Variants in LDLRAD4 observed in about 807,000 individuals in gnomAD.
LDLRAD4 encodes low density lipoprotein receptor class A domain containing 4.
A neutral mutation model predicts 17.0 loss-of-function variants in LDLRAD4; 5 were observed. The ratio of observed to expected loss-of-function variants is 0.29; its 90% CI spans 0.15 to 0.62. The LOEUF (loss-of-function observed/expected upper bound fraction) is 0.62, where lower values mean the gene tolerates loss of function less well. Ranked by LOEUF, LDLRAD4 falls within the 20% of genes least tolerant of loss-of-function variation. The pLI is 0.84. For missense variants in LDLRAD4, 340 were observed against 424.7 expected, an observed-to-expected ratio of 0.80 and a Z score of 1.75; for synonymous variants, 168 against 171.8, an observed-to-expected ratio of 0.98 and a Z score of 0.17.
At chr18:13,412,711 A>G (rs1429427767) in intron 2 of LDLRAD4, among the ~76,000 whole-genome samples, 2 of 152,148 alleles carry the variant, frequency 1.3e-5, no homozygotes, top group Non-Finnish European at 2.9e-5. Flanking sequence ...CTAGATTATG[A>G]GCTCTTGGAG....
At chr18:13,301,082 G>A (rs1036806518) in intron 1 of LDLRAD4, among the ~76,000 whole-genome samples, 6 of 142,378 alleles carry the variant, frequency 4.2e-5, no homozygotes, top group Non-Finnish European at 7.8e-5. Context: ...GGGTGTCCGT[G>A]GTTGGGGGGG....
At chr18:13,447,714 A>G (rs2091511351) in intron 3 of LDLRAD4, among the ~76,000 whole-genome samples, 1 of 152,232 alleles carries the variant, frequency 6.6e-6, no homozygotes, top group African/African-American at 2.4e-5. Flanking sequence ...AGTAATTTTC[A>G]GTGTCAGATT....
chr18:13,446,912 G>A (rs577736555), intron 3 of LDLRAD4, among the ~76,000 whole-genome samples: 4 of 146,384 alleles, frequency 2.7e-5, no homozygotes, highest in Non-Finnish European at 5.9e-5. Flanking sequence ...GGGCCTTCTG[G>A]CATTCAGCAG....
intron 3 of LDLRAD4, among the ~76,000 whole-genome samples, chr18:13,442,063 C>A (rs2091058053): frequency 6.6e-6 from 1 of 152,126 alleles, no homozygotes; most frequent in South Asian, 2.1e-4. Flanking sequence ...AAATATTGTA[C>A]CCCGAGCACT....
At chr18:13,582,800 C>A (rs1243210476) in intron 3 of LDLRAD4, among the ~76,000 whole-genome samples, 1 of 152,244 alleles carries the variant, frequency 6.6e-6, no homozygotes, top group Non-Finnish European at 1.5e-5. Context: ...GCAGCCTCGA[C>A]CTCCCAGGCG....
At chr18:13,512,459 T>C (rs1019153028) in intron 3 of LDLRAD4, among the ~76,000 whole-genome samples, 3 of 152,210 alleles carry the variant, frequency 2.0e-5, no homozygotes, top group Non-Finnish European at 4.4e-5. Context: ...GTGCTTACAA[T>C]GTGGGTGTTG....
chr18:13,387,043 G>A (rs999933333), intron 1 of LDLRAD4, among the ~76,000 whole-genome samples: 1 of 152,216 alleles, frequency 6.6e-6, no homozygotes, highest in African/African-American at 2.4e-5. Flanking sequence ...CTGACCAGTG[G>A]CCATGCACCA....
chr18:13,378,361 GGTGGTTTGTT>G (rs1199178076), intron 1 of LDLRAD4, among the ~76,000 whole-genome samples: 6 of 152,076 alleles, frequency 3.9e-5, no homozygotes, highest in Admixed American at 3.9e-4. Flanking sequence ...TTGTCAGAAG[GGTGGTTTGTT>G]GCCCTCTCTG....
At chr18:13,228,445 TTTC>T (rs1234972873) in intron 1 of LDLRAD4, among the ~76,000 whole-genome samples, 1 of 152,180 alleles carries the variant, frequency 6.6e-6, no homozygotes, top group East Asian at 1.9e-4. Context: ...AGCTGACCGA[TTTC>T]TGTCTGATTT....
At chr18:13,610,945 G>A (rs545276506) in intron 3 of LDLRAD4, among the ~76,000 whole-genome samples, 14 of 152,252 alleles carry the variant, frequency 9.2e-5, no homozygotes, top group South Asian at 4.1e-4. Flanking sequence ...TTTCCCTCGC[G>A]GCTGTATATT....
At chr18:13,455,582 G>T (rs555555306) in intron 3 of LDLRAD4, among the ~76,000 whole-genome samples, 3 of 152,230 alleles carry the variant, frequency 2.0e-5, no homozygotes, top group Admixed American at 6.5e-5. Flanking sequence ...AGGGTGGGTC[G>T]TCATTCCCTC....
At chr18:13,222,801 G>A (rs1401593301) in intron 1 of LDLRAD4, among the ~76,000 whole-genome samples, 1 of 152,188 alleles carries the variant, frequency 6.6e-6, no homozygotes, top group Non-Finnish European at 1.5e-5. Flanking sequence ...CCACACTCCC[G>A]TTCTTCCTCT....
At chr18:13,628,519 A>G (rs1404815447) in intron 4 of LDLRAD4, among the ~76,000 whole-genome samples, 10 of 152,214 alleles carry the variant, frequency 6.6e-5, no homozygotes, top group Admixed American at 4.6e-4. Context: ...AGGACTTCCA[A>G]TTATCAGGCT....
At position 13,432,228 on chromosome 18, in the gene LDLRAD4, A is replaced by C. The variant is rs558102088; in HGVS notation, c.41-6016A>C. ...GCTGACGTTTAAGAAGAATCGCCCTAAGGATCGACTTTTCATTTCTGAAAA... is the reference window on the plus strand; with the variant it reads ...GCTGACGTTTAAGAAGAATCGCCCTCAGGATCGACTTTTCATTTCTGAAAA... On this transcript the variant is annotated intron_variant, in intron 2 of 5. Coordinates refer to ENST00000359446, the Ensembl canonical transcript of LDLRAD4. Among the ~76,000 whole-genome samples, 5 of 152,298 alleles carry C rather than the reference A, an allele frequency of 3.3e-5. No individual in the cohort carries two copies. The East Asian group carries it at 5.8e-4, about 18-fold the overall frequency.
At chr18:13,465,033 C>T (rs556991905) in intron 3 of LDLRAD4, 5 of 152,334 alleles carry the variant, frequency 3.3e-5, no homozygotes, top group South Asian at 2.1e-4. Context: ...TGCTGCCCAC[C>T]GGAAACGATG....
intron 3 of LDLRAD4, among the ~76,000 whole-genome samples, chr18:13,448,050 G>A (rs1203728726): frequency 6.6e-6 from 1 of 152,204 alleles, no homozygotes; most frequent in Admixed American, 6.5e-5. Flanking sequence ...ATCAATTTTA[G>A]TGCAAACTTG....
chr18:13,321,861 C>CAAAAAAAAAAAAAAAAAAAAAAAAAAAA (rs57033432), intron 1 of LDLRAD4, among the ~76,000 whole-genome samples: 10 of 62,142 alleles, frequency 1.6e-4, no homozygotes, highest in African/African-American at 1.9e-4. Flanking sequence ...GACTCCGTCT[C>CAAAAAAAAAAAAAAAAAAAAAAAAAAAA]AAAAAAAAAA....
At chr18:13,222,694 G>T (rs77350025) in intron 1 of LDLRAD4, among the ~76,000 whole-genome samples, 4,650 of 152,192 alleles carry the variant, frequency 0.031, 96 homozygotes, top group East Asian at 0.062. Context: ...TTTATTTTTG[G>T]CTCTACTGCA....
At chr18:13,263,187 T>C (rs2044007944) in intron 1 of LDLRAD4, among the ~76,000 whole-genome samples, 2 of 142,182 alleles carry the variant, frequency 1.4e-5, no homozygotes, top group Admixed American at 1.4e-4. Context: ...CCCTTGTGGC[T>C]CCGTGCGTGG....
Sources: allele counts gnomAD v4.1 joint callset (sites outside exome capture counted in the v4.1 genomes callset), GRCh38; gene constraint gnomAD v4.1.1; transcripts MANE v1.5; gene names NCBI Gene and HGNC (gene_info 2026-07-23, HGNC 2026-07-21).